Variants in CATIP observed in about 807,000 individuals in gnomAD.
The protein encoded by CATIP is ciliogenesis-associated TTC17-interacting protein.
CATIP carries 40 observed loss-of-function variants against 42.5 expected under a neutral mutation model. The observed-to-expected ratio is 0.94, with a 90% confidence interval of 0.73 to 1.22. CATIP has a LOEUF of 1.22. Among genes scored for constraint, CATIP ranks in the 50% most tolerant of loss-of-function variants. CATIP has a pLI of 0.00. For synonymous variants in CATIP, 222 were observed against 200.2 expected (o/e 1.11, Z -0.92); for missense variants, 489 against 496.0 (o/e 0.99, Z 0.13).
intron 7 of CATIP, 108 bp downstream of exon 7, chr2:218,364,860 A>C: frequency 8.0e-7 from 1 of 1,256,582 alleles, no homozygotes; most frequent in Non-Finnish European, 1.1e-6. Flanking sequence ...TTGAGATAGG[A>C]GTGTCCCTCC....
Position 218,364,527 on chromosome 2 carries a change from T to G in CATIP, c.631-101T>G, listed in dbSNP as rs533188509. 2.7e-4 allele frequency: 402 copies of G among 1,480,406 alleles called. 2 individuals carry two copies. The highest frequency in any genetic ancestry group is 1.1e-3 in the South Asian group (87 of 78,774). The allele number at this position is 1,480,406 out of a possible 1,614,324, so 91.7% of individuals were successfully genotyped here. A position where few individuals can be genotyped will look rare whatever the true frequency, so the allele number is the denominator to read the frequency against. The stretch of plus-strand genomic sequence containing the variant: ...TTTGGAGATGCAATATTAAATGTCT[T>G]GAGGTTGTTATGAGATGGAGAAAAG... On this transcript the variant is annotated intron_variant, in intron 6 of 9. Coordinates refer to ENST00000289388, the MANE Select transcript of CATIP (RefSeq NM_198559.2).
At chr2:218,357,354 G>T in intron 2 of CATIP, 167 bp downstream of exon 2, 1 of 699,682 alleles carries the variant, frequency 1.4e-6, no homozygotes, top group Non-Finnish European at 2.4e-6. Flanking sequence ...TTCAAGGGAA[G>T]GCCCCCCGGG....
At position 218,360,554 on chromosome 2, in the gene CATIP, C is replaced by G; in HGVS notation, c.376-19C>G. ...ACCCAGGGAGTCCCTGATCCTCCCC[C>G]GCATGCTCTGGCCCTCAGTTCCTCA... On this transcript the variant is annotated intron_variant, in intron 4 of 9. Transcript: ENST00000289388. 1.9e-6 allele frequency: 3 copies of G among 1,605,448 alleles called. No individual in the cohort carries two copies. The highest frequency in any genetic ancestry group is 1.1e-5 in the South Asian group (1 of 90,880).
intron 2 of CATIP, 71 bp downstream of exon 2, chr2:218,357,258 A>AGTCTCTCTCTCTCTCT (rs1695052077): frequency 1.8e-6 from 1 of 555,890 alleles, no homozygotes; most frequent in South Asian, 2.4e-5. Flanking sequence ...AAGAAAGTCC[A>AGTCTCTCTCTCTCTCT]GTCTCTCTCT....
Position 218,360,655 on chromosome 2 carries a change from G to A in CATIP, c.458G>A (p.Gly153Asp), listed in dbSNP as rs148345660. Residue 153 changes from glycine (G) to aspartate (D), a missense_variant, in exon 5 of 10, where the codon GGT becomes GAT. By Grantham distance (94) the Gly-to-Asp change is moderately conservative. Transcript: ENST00000289388. ...QLAVTRSIKE[G>D]EEVKTGVTSF... ...GCTGTGACCAGAAGTATCAAGGAGGGTGAGGTAAGGATGAGAGCCAGATGG... is the reference window on the plus strand; with the variant it reads ...GCTGTGACCAGAAGTATCAAGGAGGATGAGGTAAGGATGAGAGCCAGATGG... 1,681 of 1,612,952 alleles carry A rather than the reference G, an allele frequency of 1.0e-3. 41 individuals are homozygous for A. The East Asian group carries it at 0.035, about 33-fold the overall frequency.
At position 218,364,736 on chromosome 2, in the gene CATIP, T is replaced by G; in HGVS notation, c.739T>G (p.Tyr247Asp). 6.2e-7 allele frequency: 1 copy of G among 1,613,402 alleles called. No homozygotes were observed. Among genetic ancestry groups the G allele is most frequent in the East Asian group, 2.2e-5 (1 of 44,810 alleles). ...GGGCATCCCCATGTCCTGCCAGTAC[T>G]ACCTGCTCTCCGATGGGTGAGCTGC... is the stretch of plus-strand genomic sequence containing the variant. ...EEGIPMSCQY[Y>D]LLSDGHLAKR... is the part of the protein sequence containing the mutation. The change falls in exon 7 of 10, where the codon TAC becomes GAC. Residue 247 changes from tyrosine (Y) to aspartate (D), a missense_variant. Tyr to Asp is a radical substitution (Grantham distance 160, BLOSUM62 -3). Coordinates refer to ENST00000289388, the MANE Select transcript of CATIP (RefSeq NM_198559.2).
intron 4 of CATIP, among the ~76,000 whole-genome samples, chr2:218,358,876 C>G (rs1408465836): frequency 8.4e-6 from 1 of 118,926 alleles, no homozygotes; most frequent in African/African-American, 3.1e-5. Context: ...AGAATGAGAC[C>G]CTGTCTCAAA....
Position 218,364,763 on chromosome 2 carries a change from G to A in CATIP, c.755+11G>A, listed in dbSNP as rs1293138256. ...CCTGCTCTCCGATGGGTGAGCTGCT[G>A]ATGGTGGGCCCAGAGGGGTGGTGCT... On this transcript the variant is annotated intron_variant, in intron 7 of 9. Transcript: ENST00000289388. The A allele has an allele frequency of 1.9e-6, 3 of 1,610,598 alleles. No individual in the cohort carries two copies. Among genetic ancestry groups the A allele is most frequent in the Non-Finnish European group, 1.7e-6 (2 of 1,178,356 alleles).
At chr2:218,362,975 G>A in intron 6 of CATIP, 73 bp downstream of exon 6, 1 of 1,451,150 alleles carries the variant, frequency 6.9e-7, no homozygotes, top group Admixed American at 2.1e-5. Context: ...ACTGAGATGG[G>A]GAACAGCTGT....
chr2:218,367,974 A>C lies in CATIP; in HGVS notation c.*10A>C, dbSNP rs767107558. 3.2e-6 allele frequency: 5 copies of C among 1,552,694 alleles called. No homozygotes were observed. In the African/African-American group the frequency reaches 6.8e-5, roughly 21 times the overall value. On this transcript the variant is annotated 3_prime_UTR_variant, in exon 10 of 10. Coordinates refer to ENST00000289388, the MANE Select transcript of CATIP (RefSeq NM_198559.2). ...CTCGGGGGCGGCCTAAGCGGGGCCC[A>C]GGCCCGGACAGGGCAGGAAACCAGG...
At position 218,368,008 on chromosome 2, in the gene CATIP, T is replaced by TGGGACGCGGGC. The variant is rs1330273237; in HGVS notation, c.*53_*63dup. 1.4e-6 allele frequency: 2 copies of TGGGACGCGGGC among 1,469,974 alleles called. No individual in the cohort carries two copies. The highest frequency in any genetic ancestry group is 8.9e-7 in the Non-Finnish European group (1 of 1,117,388). 91.1% of individuals were successfully genotyped at this position (1,469,974 alleles called of 1,614,324 possible). On this transcript the variant is annotated 3_prime_UTR_variant, in exon 10 of 10. Transcript: ENST00000289388. Reference sequence around the variant, plus strand: ...CAGGGCAGGAAACCAGGGGTCGGGCTGGGACGCGGGCGGGACGCGCCGGGG... The same window carrying TGGGACGCGGGC: ...CAGGGCAGGAAACCAGGGGTCGGGCTGGGACGCGGGCGGGACGCGGGCGGGACGCGCCGGGG...
intron 5 of CATIP, among the ~76,000 whole-genome samples, 176 bp downstream of exon 5, chr2:218,360,835 T>G (rs1412750223): frequency 2.6e-5 from 4 of 151,430 alleles, no homozygotes; most frequent in South Asian, 2.1e-4. Flanking sequence ...GCTTGTTTTT[T>G]TTTTTTTTTT....
intron 7 of CATIP, among the ~76,000 whole-genome samples, chr2:218,365,231 G>T (rs910868804): frequency 2.0e-5 from 3 of 152,078 alleles, no homozygotes; most frequent in African/African-American, 7.2e-5. Context: ...TGGCTGACAC[G>T]GTGAAACCCC....
chr2:218,361,495 C>T (rs1322341118), intron 5 of CATIP, among the ~76,000 whole-genome samples: 5 of 152,148 alleles, frequency 3.3e-5, no homozygotes, highest in Non-Finnish European at 7.3e-5. Context: ...TAGCCTTTCA[C>T]TGAATACACA....
In CATIP at chr2:218,357,192, G is replaced by A; in HGVS notation, c.118+5G>A. ...TCGACTTCCTCAGCTCCCTCCGTGA[G>A]CTCAGACAGTGTCGGGGTTGGGGGT... is the stretch of plus-strand genomic sequence containing the variant. On this transcript the variant is annotated splice_donor_5th_base_variant and intron_variant, in intron 2 of 9. Transcript: ENST00000289388. The A allele has an allele frequency of 1.2e-6, 2 of 1,610,972 alleles. No individual in the cohort carries two copies. The highest frequency in any genetic ancestry group is 1.7e-6 in the Non-Finnish European group (2 of 1,177,916).
chr2:218,357,775 C>T (rs1347789722), intron 3 of CATIP, 41 bp downstream of exon 3: 1 of 1,558,586 alleles, frequency 6.4e-7, no homozygotes, highest in Non-Finnish European at 8.8e-7. Flanking sequence ...TCTCCCCTTC[C>T]TCCAACCCTC....
rs192851347 is a variant in CATIP, at chr2:218,357,571, G to A, written c.156G>A (p.Thr52=). The A allele has an allele frequency of 8.1e-6, 13 of 1,613,970 alleles. No homozygotes were observed. Among genetic ancestry groups the A allele is most frequent in the East Asian group, 2.2e-5 (1 of 44,874 alleles). The change falls in exon 3 of 10, where the codon ACG becomes ACA. Residue 52 remains threonine (T), a synonymous_variant. Transcript: ENST00000289388. ...EELQMLFFSE[T]LAMVSDTGEP... ...TACAGATGCTGTTCTTCTCTGAGAC[G>A]CTGGCCATGGTCTCAGACACCGGGG... is the stretch of plus-strand genomic sequence containing the variant.
At chr2:218,364,182 C>CT (rs1329396022) in intron 6 of CATIP, among the ~76,000 whole-genome samples, 1 of 152,170 alleles carries the variant, frequency 6.6e-6, no homozygotes, top group African/African-American at 2.4e-5. Flanking sequence ...AACATTAGCA[C>CT]TTTTTTCTCC....
At chr2:218,367,326 G>A in intron 8 of CATIP, 104 bp from the exon 9 acceptor site, 1 of 1,105,154 alleles carries the variant, frequency 9.0e-7, no homozygotes, top group Non-Finnish European at 1.4e-6. Flanking sequence ...GCAGAATCCT[G>A]GGGTTTCACC....
Sources: gnomAD v4.1 joint callset for allele counts (sites outside exome capture counted in the v4.1 genomes callset) on GRCh38, gnomAD v4.1.1 for gene constraint, MANE v1.5 for transcripts, NCBI Gene and HGNC (gene_info 2026-07-23, HGNC 2026-07-21) for gene names.